The following CALN1 variants were observed in gnomAD, a reference collection of about 807,000 sequenced individuals.
CALN1 encodes the protein calneuron 1.
CALN1 carries 17 observed loss-of-function variants against 30.6 expected under a neutral mutation model. The ratio of observed to expected loss-of-function variants is 0.56; its 90% confidence interval spans 0.38 to 0.83. The LOEUF (loss-of-function observed/expected upper bound fraction) is 0.83. CALN1 is among the 40% of genes least tolerant of loss of function. The pLI is 0.00. For synonymous variants in CALN1, 156 were observed against 131.4 expected, an observed-to-expected ratio of 1.19 and a Z score of -1.28; for missense variants, 291 against 354.9, an observed-to-expected ratio of 0.82 and a Z score of 1.45.
In CALN1 at chr7:71,789,646, G is replaced by GGCC. The variant is rs1024107496; in HGVS notation, c.659-1747_659-1745dup. On this transcript the variant is annotated intron_variant, in intron 6 of 6. Transcript: ENST00000395275. ...AGGGTGTCCTGCCTCCAGATACCACGGCCCCACAGGGTTTACTTTGGGTCT... is the reference window on the plus strand; with the variant it reads ...AGGGTGTCCTGCCTCCAGATACCACGGCCGCCCCACAGGGTTTACTTTGGGTCT... 1.8e-4 allele frequency among the ~76,000 whole-genome samples: 28 copies of GGCC among 152,156 alleles called. 1 individual carries two copies. Among genetic ancestry groups the GGCC allele is most frequent in the African/African-American group, 6.5e-4 (27 of 41,520 alleles).
rs576350903 is a variant in CALN1, at chr7:72,088,226, C to A, written c.388+17925G>T. 4.6e-5 allele frequency among the ~76,000 whole-genome samples: 7 copies of A among 152,186 alleles called. No homozygotes were observed. The South Asian group carries it at 1.5e-3, about 32-fold the overall frequency. On this transcript the variant is annotated intron_variant, in intron 4 of 6. Transcript: ENST00000395275. ...ACCACAACAACAACATAACACCAGG[C>A]ACCACCACTACTAGAACACACAGAT...
intron 2 of CALN1, among the ~76,000 whole-genome samples, chr7:72,363,571 C>CTT (rs112322954): frequency 1.6e-4 from 24 of 151,734 alleles, no homozygotes; most frequent in African/African-American, 4.4e-4. Flanking sequence ...CATAAACTTA[C>CTT]TTTTTTTACA....
At chr7:71,881,721 G>C (rs996245777) in intron 5 of CALN1, among the ~76,000 whole-genome samples, 1 of 152,036 alleles carries the variant, frequency 6.6e-6, no homozygotes, top group Non-Finnish European at 1.5e-5. Context: ...TCCCAGTGCT[G>C]CTATTCCAAA....
intron 5 of CALN1, among the ~76,000 whole-genome samples, chr7:71,826,032 CAAAAAAAAAAAAAAA>C (rs57512202): frequency 4.6e-5 from 2 of 43,846 alleles, no homozygotes; most frequent in Non-Finnish European, 8.2e-5. Flanking sequence ...GACTCTGTCT[CAAAAAAAAAAAAAAA>C]AAAAAAAAAA....
chr7:71,798,517 G>A (rs1406516922), intron 6 of CALN1, among the ~76,000 whole-genome samples: 1 of 151,870 alleles, frequency 6.6e-6, no homozygotes, highest in Non-Finnish European at 1.5e-5. Flanking sequence ...TGCTGCCCAG[G>A]CTGGTCTCGA....
At chr7:72,366,740 GT>G (rs1803899650) in intron 2 of CALN1, among the ~76,000 whole-genome samples, 1 of 151,920 alleles carries the variant, frequency 6.6e-6, no homozygotes, top group Non-Finnish European at 1.5e-5. Context: ...TTTCAAAATA[GT>G]TTGTCCATTA....
chr7:72,444,110 T>C (rs1442878779), intron 1 of CALN1, among the ~76,000 whole-genome samples: 2 of 151,958 alleles, frequency 1.3e-5, no homozygotes, highest in African/African-American at 2.4e-5. Flanking sequence ...TGGATTGATA[T>C]ATTGATAGAC....
chr7:72,163,391 T>TAAAAAAAAAAAAAAAAAA (rs1563111506), intron 3 of CALN1, among the ~76,000 whole-genome samples: 9 of 130,430 alleles, frequency 6.9e-5, no homozygotes, highest in African/African-American at 2.3e-4. Context: ...TTATTGGAGA[T>TAAAAAAAAAAAAAAAAAA]TAAAAAAAAA....
At chr7:72,323,669 A>AAT (rs1554370592) in intron 2 of CALN1, among the ~76,000 whole-genome samples, 5 of 150,766 alleles carry the variant, frequency 3.3e-5, no homozygotes, top group African/African-American at 4.9e-5. Flanking sequence ...CTCAAAAAAA[A>AAT]AAAAATAAAA....
chr7:72,053,317 T>C (rs1802959698), intron 4 of CALN1, among the ~76,000 whole-genome samples: 1 of 152,204 alleles, frequency 6.6e-6, no homozygotes, highest in African/African-American at 2.4e-5. Context: ...AGCATGATTT[T>C]CAAATATGCA....
Position 72,201,406 on chromosome 7 carries a change from T to C in CALN1, c.244+77280A>G, listed in dbSNP as rs963983910. ...ACATTCAAGACCAGCCTGGTCAAAA[T>C]AGTGAAACCCCATCTCTATTTAAAA... On this transcript the variant is annotated intron_variant, in intron 3 of 6. Coordinates refer to ENST00000395275, the MANE Select transcript of CALN1 (RefSeq NM_031468.4). Among the ~76,000 whole-genome samples, 6 of 152,024 alleles carry C rather than the reference T, an allele frequency of 3.9e-5. No homozygotes were observed. The East Asian group carries it at 5.8e-4, about 15-fold the overall frequency.
rs965342640 is a variant in CALN1, at chr7:72,278,666, A to C, written c.244+20T>G. The C allele has an allele frequency of 1.6e-5, 26 of 1,600,578 alleles. No individual in the cohort carries two copies. Among genetic ancestry groups the C allele is most frequent in the Non-Finnish European group, 1.9e-5 (22 of 1,169,012 alleles). On this transcript the variant is annotated intron_variant, in intron 3 of 6. Transcript: ENST00000395275. The stretch of plus-strand genomic sequence containing the variant: ...TCCCTGGGAGGGGGGCCATCCCCCC[A>C]AACAGGGTAGGCTCCTTACCATCGA...
chr7:72,397,228 C>T (rs997391289), intron 2 of CALN1, among the ~76,000 whole-genome samples: 8 of 152,048 alleles, frequency 5.3e-5, no homozygotes, highest in Admixed American at 1.3e-4. Context: ...GATTTTACCC[C>T]GGAGCACTCC....
chr7:71,803,024 A>AAAAAAG (rs903750439), intron 6 of CALN1, among the ~76,000 whole-genome samples: 1 of 152,252 alleles, frequency 6.6e-6, no homozygotes, highest in Admixed American at 6.5e-5. Context: ...ACCCTGTCTC[A>AAAAAAG]AAAAAGAAAA....
intron 3 of CALN1, among the ~76,000 whole-genome samples, chr7:72,217,139 T>TC (rs1792885063): frequency 6.6e-6 from 1 of 152,052 alleles, no homozygotes; most frequent in African/African-American, 2.4e-5. Flanking sequence ...GGGGTCTGCT[T>TC]CCCCACGGAC....
the CALN1 span, among the ~76,000 whole-genome samples, chr7:72,501,543 AGGAGGGAG>A: frequency 8.3e-4 from 106 of 127,116 alleles, 2 homozygotes; most frequent in South Asian, 0.02. Context: ...AAGGAAAGGA[AGGAGGGAG>A]GGAGGGAGGG....
chr7:72,188,705 G>T (rs770836112), intron 3 of CALN1, among the ~76,000 whole-genome samples: 9 of 152,060 alleles, frequency 5.9e-5, no homozygotes, highest in Non-Finnish European at 5.9e-5. Context: ...TATGGAAATA[G>T]AAAATTTAAA....
intron 4 of CALN1, among the ~76,000 whole-genome samples, chr7:72,038,055 C>CCA (rs1301004059): frequency 6.6e-6 from 1 of 152,194 alleles, no homozygotes; most frequent in African/African-American, 2.4e-5. Flanking sequence ...GCCAGGTGCA[C>CCA]CACCAATGGC....
intron 5 of CALN1, among the ~76,000 whole-genome samples, chr7:71,959,426 T>C (rs150310898): frequency 6.6e-6 from 1 of 152,224 alleles, no homozygotes; most frequent in African/African-American, 2.4e-5. Flanking sequence ...GAGAGGCAAG[T>C]CCTTTTGAGG....
Sources: allele counts gnomAD v4.1 joint callset (sites outside exome capture counted in the v4.1 genomes callset), GRCh38; gene constraint gnomAD v4.1.1; transcripts MANE v1.5; gene names NCBI Gene and HGNC (gene_info 2026-07-23, HGNC 2026-07-21).